The following MBTD1 variants were observed in gnomAD, a reference collection of about 807,000 sequenced individuals.
MBTD1 encodes MBT domain-containing protein 1.
In MBTD1, 24 loss-of-function variants were observed where a neutral mutation model predicts 87.8. The observed-to-expected ratio is 0.27, with a 90% CI of 0.20 to 0.38. MBTD1 has a LOEUF of 0.38. Among genes scored for constraint, MBTD1 ranks in the 10% least tolerant of loss-of-function variants. The pLI is 1.00. For missense variants in MBTD1, 436 were observed against 760.2 expected (o/e 0.57, Z 5.02); for synonymous variants, 237 against 248.6 (o/e 0.95, Z 0.44).
At chr17:51,204,659 T>C (rs1478829875) in intron 7 of MBTD1, among the ~76,000 whole-genome samples, 4 of 151,990 alleles carry the variant, frequency 2.6e-5, no homozygotes, top group Admixed American at 6.6e-5. Flanking sequence ...TGCGCCACCA[T>C]GCCCAGCTAA....
At chr17:51,202,978 G>C (rs771759274) in intron 9 of MBTD1, 43 bp from the exon 10 acceptor site, 2 of 1,487,438 alleles carry the variant, frequency 1.3e-6, no homozygotes, top group Non-Finnish European at 1.9e-6. Flanking sequence ...TCATGACAAA[G>C]GTCTACAAGA....
chr17:51,180,826 A>G, intron 16 of MBTD1, 132 bp from the exon 17 acceptor site: 1 of 660,434 alleles, frequency 1.5e-6, no homozygotes, highest in East Asian at 2.7e-5. Context: ...TTAATTTTCC[A>G]GTATATTAGC....
intron 12 of MBTD1, among the ~76,000 whole-genome samples, chr17:51,201,091 T>A (rs536069129): frequency 6.6e-6 from 1 of 151,902 alleles, no homozygotes; most frequent in Non-Finnish European, 1.5e-5. Flanking sequence ...ATCACACTAC[T>A]GCACTCCAAC....
intron 12 of MBTD1, among the ~76,000 whole-genome samples, chr17:51,197,480 G>T (rs1420836375): frequency 6.6e-6 from 1 of 150,802 alleles, no homozygotes; most frequent in Non-Finnish European, 1.5e-5. Flanking sequence ...CAACCTCACT[G>T]AGTCTCTGCT....
chr17:51,191,181 T>A (rs557767373), intron 16 of MBTD1, among the ~76,000 whole-genome samples: 5 of 151,892 alleles, frequency 3.3e-5, no homozygotes, highest in Admixed American at 2.6e-4. Context: ...AAATCAAACA[T>A]AGTTATCAAT....
chr17:51,248,819 A>G (rs1210937343), intron 2 of MBTD1, among the ~76,000 whole-genome samples: 2 of 152,246 alleles, frequency 1.3e-5, no homozygotes, highest in African/African-American at 2.4e-5. Flanking sequence ...TGAATACATA[A>G]TACAAGGTTT....
At chr17:51,222,319 C>T (rs2143652105) in intron 3 of MBTD1, among the ~76,000 whole-genome samples, 1 of 152,322 alleles carries the variant, frequency 6.6e-6, no homozygotes, top group Admixed American at 6.5e-5. Context: ...CAGGAGCTAA[C>T]ACATTTGATA....
chr17:51,213,793 A>C (rs911820964), intron 6 of MBTD1, among the ~76,000 whole-genome samples: 6 of 152,184 alleles, frequency 3.9e-5, no homozygotes, highest in Admixed American at 2.6e-4. Flanking sequence ...TCAGGAGCCA[A>C]GGCTCTGGCA....
chr17:51,260,904 T>C (rs747840629), upstream of MBTD1: 3 of 1,590,704 alleles, frequency 1.9e-6, no homozygotes, highest in African/African-American at 1.4e-5. Flanking sequence ...GACGCGTTGC[T>C]GCGGCGTCTG....
chr17:51,194,289 G>A (rs2050958645), intron 13 of MBTD1, among the ~76,000 whole-genome samples: 1 of 152,172 alleles, frequency 6.6e-6, no homozygotes, highest in South Asian at 2.1e-4. Flanking sequence ...TCCACATAGG[G>A]CTGGGTGCAG....
rs540193953 is a variant in MBTD1 at position 51,195,369 on chromosome 17, A to G, written c.1225-8T>C. 2 of 1,580,502 alleles carry G rather than the reference A, an allele frequency of 1.3e-6. No individual in the cohort carries two copies. Among genetic ancestry groups the G allele is most frequent in the Non-Finnish European group, 1.7e-6 (2 of 1,164,076 alleles). ...GAATCCGTCAGCTAGCACCTTTTCA[A>G]TGAAGAGAATTCTAAGTACTTGAAA... On this transcript the variant is annotated splice_region_variant and splice_polypyrimidine_tract_variant and intron_variant, in intron 12 of 16. Coordinates refer to ENST00000586178, the MANE Select transcript of MBTD1 (RefSeq NM_017643.3).
At chr17:51,209,809 A>C (rs1424937177) in intron 6 of MBTD1, among the ~76,000 whole-genome samples, 2 of 152,228 alleles carry the variant, frequency 1.3e-5, no homozygotes, top group African/African-American at 4.8e-5. Context: ...AATGTACAAA[A>C]AGCCATCATC....
At chr17:51,232,866 T>C (rs1249624107) in intron 2 of MBTD1, among the ~76,000 whole-genome samples, 7 of 151,564 alleles carry the variant, frequency 4.6e-5, no homozygotes, top group South Asian at 2.1e-4. Flanking sequence ...AGTGTGACAC[T>C]GCCTCTACAA....
In MBTD1 at chr17:51,217,373, G is replaced by T; in HGVS notation, c.447C>A (p.Ser149Arg). The part of the protein sequence containing the change: ...EGFSWGNYIN[S>R]NSFIAAPVTC... ...TAACCGGAGCTGCTATAAAGCTATT[G>T]CTATTGATGTAGTTACCCCAGCTGA... The change falls in exon 6 of 17, where the codon AGC becomes AGA. Residue 149 changes from serine to arginine, a missense_variant. This residue lies in a region of MBTD1 where 268 missense variants were observed against 401.8 expected (regional missense o/e 0.67). Coordinates refer to ENST00000586178, the MANE Select transcript of MBTD1 (RefSeq NM_017643.3). 6.5e-7 allele frequency: 1 copy of T among 1,540,024 alleles called. No homozygotes were observed. Among genetic ancestry groups the T allele is most frequent in the South Asian group, 1.2e-5 (1 of 81,582 alleles).
At chr17:51,206,401 G>A (rs1360903063) in intron 7 of MBTD1, among the ~76,000 whole-genome samples, 2 of 151,972 alleles carry the variant, frequency 1.3e-5, no homozygotes, top group African/African-American at 2.4e-5. Flanking sequence ...AGTCACTGTG[G>A]CCAGCTCTTA....
rs1179291764 is a variant in MBTD1, at chr17:51,179,483, TTTATATATATATATATATA to T, written c.*1074_*1092del. 28 of 37,052 alleles carry T rather than the reference TTTATATATATATATATATA, an allele frequency of 7.6e-4. 2 individuals are homozygous for T. The highest frequency in any genetic ancestry group is 3.8e-3 in the African/African-American group (23 of 6,124). The allele number at this position is 37,052 out of a possible 1,614,324, so 2.3% of individuals were successfully genotyped here. On this transcript the variant is annotated 3_prime_UTR_variant, in exon 17 of 17. Transcript: ENST00000586178. ...AATCCTGAATACAATTAAAGACAATTTTATATATATATATATATATATATATATATATATATATATATAT... is the reference window on the plus strand; with the variant it reads ...AATCCTGAATACAATTAAAGACAATTTATATATATATATATATATATATAT...
At chr17:51,239,099 C>CA (rs60345239) in intron 2 of MBTD1, among the ~76,000 whole-genome samples, 60 of 142,086 alleles carry the variant, frequency 4.2e-4, no homozygotes, top group East Asian at 1.4e-3. Context: ...GTCTCCATCT[C>CA]AAAAAAAAAA....
At chr17:51,236,554 T>C (rs1255843263) in intron 2 of MBTD1, among the ~76,000 whole-genome samples, 1 of 152,178 alleles carries the variant, frequency 6.6e-6, no homozygotes, top group Non-Finnish European at 1.5e-5. Context: ...CTATGTTTTT[T>C]ATGCCACTTT....
chr17:51,259,547 G>A (rs900024962), intron 1 of MBTD1, among the ~76,000 whole-genome samples: 2 of 152,142 alleles, frequency 1.3e-5, no homozygotes, highest in Non-Finnish European at 2.9e-5. Context: ...CCAGAGCAGG[G>A]GGCGGGGGCA....
Sources: allele counts gnomAD v4.1 joint callset (sites outside exome capture counted in the v4.1 genomes callset), GRCh38; gene constraint gnomAD v4.1.1; regional missense constraint gnomAD v4.1.1; transcripts MANE v1.5; gene names NCBI Gene and HGNC (gene_info 2026-07-23, HGNC 2026-07-21).